The following COX20 variants were observed in gnomAD, a reference collection of about 807,000 sequenced individuals.
COX20 encodes cytochrome c oxidase assembly factor COX20.
In COX20, 14 loss-of-function variants were observed where a neutral mutation model predicts 14.3. That is an observed-to-expected ratio of 0.98 (90% CI 0.65 to 1.53). The LOEUF is 1.53. Ranked by LOEUF, COX20 falls within the 40% of genes most tolerant of loss-of-function variation. The pLI is 0.00. For synonymous variants in COX20, 56 were observed against 51.7 expected (o/e 1.08, Z -0.36); for missense variants, 149 against 142.1 (o/e 1.05, Z -0.25).
intron 1 of COX20, chr1:244,839,872 CTTA>C (rs1037980160): frequency 3.3e-5 from 5 of 152,314 alleles, no homozygotes; most frequent in East Asian, 1.9e-4. Flanking sequence ...CCTGCCAACA[CTTA>C]TTATTAGCCT....
chr1:244,841,149 GAA>G (rs1325966558), intron 1 of COX20: 6 of 152,190 alleles, frequency 3.9e-5, no homozygotes, highest in African/African-American at 7.2e-5. Context: ...GAAGACTGTA[GAA>G]AAAGAATTTT....
At chr1:244,835,866 G>A in intron 1 of COX20, 110 bp downstream of exon 1, 1 of 766,612 alleles carries the variant, frequency 1.3e-6, no homozygotes, top group Non-Finnish European at 1.8e-6. Flanking sequence ...TGCCACCCAT[G>A]GGCTTGAAAC....
At chr1:244,839,738 T>C (rs1423801806) in intron 1 of COX20, 1 of 152,202 alleles carries the variant, frequency 6.6e-6, no homozygotes, top group Non-Finnish European at 1.5e-5. Flanking sequence ...TTATTACTCC[T>C]TAGATATGTG....
At chr1:244,840,773 C>G (rs891042765) in intron 1 of COX20, 1 of 152,174 alleles carries the variant, frequency 6.6e-6, no homozygotes, top group Non-Finnish European at 1.5e-5. Context: ...TTTAATCTGA[C>G]TTGCCTTTTA....
At position 244,842,063 on chromosome 1, in the gene COX20, G is replaced by T. The variant is rs1680224068; in HGVS notation, c.157+5G>T. The stretch of plus-strand genomic sequence containing the variant: ...TTGGACATTTTTTGTTCACTAGTGA[G>T]TATCTGTATTTTTTATTTCTCTATG... On this transcript the variant is annotated splice_donor_5th_base_variant and intron_variant, in intron 2 of 3. Coordinates refer to ENST00000411948, the MANE Select transcript of COX20 (RefSeq NM_198076.6). 1.3e-6 allele frequency: 2 copies of T among 1,585,028 alleles called. No individual in the cohort carries two copies. Among genetic ancestry groups the T allele is most frequent in the Non-Finnish European group, 1.7e-6 (2 of 1,155,070 alleles).
Position 244,843,023 on chromosome 1 carries a change from A to G in COX20, c.222-18A>G. ...AGGACTTTATATTAACAATTTATTC[A>G]TATTCTTTTCTTCTAAGGTTTCATT... On this transcript the variant is annotated intron_variant, in intron 3 of 3. Transcript: ENST00000411948. 2 of 1,499,034 alleles carry G rather than the reference A, an allele frequency of 1.3e-6. No homozygotes were observed. Among genetic ancestry groups the G allele is most frequent in the African/African-American group, 2.9e-5 (2 of 68,388 alleles). 92.9% of individuals were successfully genotyped at this position (1,499,034 alleles called of 1,614,324 possible).
intron 1 of COX20, chr1:244,840,150 T>C (rs1680139146): frequency 6.6e-6 from 1 of 152,234 alleles, no homozygotes; most frequent in South Asian, 2.1e-4. Flanking sequence ...AAATTTACTT[T>C]TATTTAAAAA....
At chr1:244,835,864 A>G (rs931771926) in intron 1 of COX20, 108 bp downstream of exon 1, 16 of 768,522 alleles carry the variant, frequency 2.1e-5, no homozygotes, top group Non-Finnish European at 2.5e-5. Flanking sequence ...TCTGCCACCC[A>G]TGGGCTTGAA....
At chr1:244,836,359 G>A in intron 1 of COX20, 1 of 737,894 alleles carries the variant, frequency 1.4e-6, no homozygotes, top group South Asian at 1.6e-5. Flanking sequence ...AGTCGTAGCA[G>A]CCCATCCTAT....
chr1:244,840,004 T>TCAAC (rs1272538447), intron 1 of COX20: 1 of 152,214 alleles, frequency 6.6e-6, no homozygotes, highest in East Asian at 1.9e-4. Context: ...AATTATGAGA[T>TCAAC]CAACCACTAT....
intron 1 of COX20, among the ~76,000 whole-genome samples, chr1:244,837,279 A>G (rs1037913980): frequency 1.3e-5 from 2 of 152,216 alleles, no homozygotes; most frequent in Non-Finnish European, 2.9e-5. Context: ...AGTAGTACCT[A>G]TCAGAGCCCA....
At position 244,842,314 on chromosome 1, in the gene COX20, A is replaced by G; in HGVS notation, c.221+56A>G. 4 of 1,186,410 alleles carry G rather than the reference A, an allele frequency of 3.4e-6. No homozygotes were observed. The South Asian group carries it at 4.9e-5, about 14-fold the overall frequency. The allele number at this position is 1,186,410 out of a possible 1,614,324, so 73.5% of individuals were successfully genotyped here. On this transcript the variant is annotated intron_variant, in intron 3 of 3. Transcript: ENST00000411948. ...TGATTATAGTAGGTTATCTAATTCA[A>G]AAAGCACATGCTCTTTTCAGAGCAG...
At chr1:244,842,598 G>C (rs116751836) in intron 3 of COX20, 5,719 of 283,886 alleles carry the variant, frequency 0.02, 80 homozygotes, top group Middle Eastern at 0.034. Context: ...ATAAAATATG[G>C]ATGAACCTCA....
Position 244,842,038 on chromosome 1 carries a change from T to G in COX20, c.137T>G (p.Phe46Cys). 1 of 1,608,146 alleles carries G rather than the reference T, an allele frequency of 6.2e-7. No individual in the cohort carries two copies. Among genetic ancestry groups the G allele is most frequent in the Non-Finnish European group, 8.5e-7 (1 of 1,174,970 alleles). Residue 46 changes from phenylalanine to cysteine, a missense_variant, in exon 2 of 4, where the codon TTT becomes TGT. Phe to Cys is a radical substitution (Grantham distance 205). Transcript: ENST00000411948. ...YGSLGSVVAG[F>C]GHFLFTSRIR... ...TCATTAGGATCTGTTGTGGCTGGCT[T>G]TGGACATTTTTTGTTCACTAGTGAG...
upstream of COX20, chr1:244,835,524 G>A: frequency 2.5e-6 from 1 of 396,326 alleles, no homozygotes; most frequent in Non-Finnish European, 4.4e-6. Context: ...ACGGAACAAA[G>A]GACATGACAG....
intron 3 of COX20, chr1:244,842,763 A>C: frequency 3.6e-6 from 1 of 280,702 alleles, no homozygotes; most frequent in South Asian, 5.7e-5. Flanking sequence ...CTTGTTTCTT[A>C]TAATAGCCAA....
chr1:244,838,208 C>T (rs1233598029), intron 1 of COX20, among the ~76,000 whole-genome samples: 3 of 152,042 alleles, frequency 2.0e-5, no homozygotes, highest in African/African-American at 7.2e-5. Context: ...GTTTTTGGGT[C>T]TGAAAATTGG....
intron 1 of COX20, among the ~76,000 whole-genome samples, chr1:244,837,836 A>G (rs1430112918): frequency 6.6e-6 from 1 of 152,206 alleles, no homozygotes; most frequent in Non-Finnish European, 1.5e-5. Flanking sequence ...CTAGTGGACA[A>G]GAGTAGGATA....
chr1:244,838,005 C>T (rs1330953370), intron 1 of COX20, among the ~76,000 whole-genome samples: 1 of 152,072 alleles, frequency 6.6e-6, no homozygotes, highest in Non-Finnish European at 1.5e-5. Flanking sequence ...TTTGATAGGA[C>T]AGGTTGAGCT....
Sources: gnomAD v4.1 joint callset for allele counts (sites outside exome capture counted in the v4.1 genomes callset) on GRCh38, gnomAD v4.1.1 for gene constraint, MANE v1.5 for transcripts, NCBI Gene and HGNC (gene_info 2026-07-23, HGNC 2026-07-21) for gene names.